IGF1R: variants seen among roughly 807,000 people sequenced by gnomAD.
IGF1R encodes the protein insulin like growth factor 1 receptor.
In IGF1R, 44 loss-of-function variants were observed where a neutral mutation model predicts 144.6. The observed-to-expected ratio is 0.30, with a 90% CI of 0.24 to 0.39. The LOEUF is 0.39. IGF1R is among the 10% of genes least tolerant of loss of function. The pLI is 1.00. For missense variants in IGF1R, 1,355 were observed against 1,833.7 expected (o/e 0.74, Z 4.77); for synonymous variants, 795 against 722.8 (o/e 1.10, Z -1.60).
intron 2 of IGF1R, among the ~76,000 whole-genome samples, chr15:98,724,950 G>T (rs1380906901): frequency 1.3e-5 from 2 of 152,240 alleles, no homozygotes; most frequent in African/African-American, 2.4e-5. Flanking sequence ...CACCTGCCCT[G>T]TGTAATTCTC....
chr15:98,735,131 T>A (rs949267286), intron 2 of IGF1R, among the ~76,000 whole-genome samples: 2 of 152,200 alleles, frequency 1.3e-5, no homozygotes, highest in Admixed American at 6.5e-5. Flanking sequence ...GTCCCATGTC[T>A]GGGGTTTTGC....
At position 98,704,756 on chromosome 15, in the gene IGF1R, G is replaced by A. The variant is rs1351628885; in HGVS notation, c.95-2806G>A. Among the ~76,000 whole-genome samples the A allele has an allele frequency of 6.6e-6, 1 of 152,146 alleles. No homozygotes were observed. Among genetic ancestry groups the A allele is most frequent in the African/African-American group, 2.4e-5 (1 of 41,400 alleles). On this transcript the variant is annotated intron_variant, in intron 1 of 20. Coordinates refer to ENST00000650285, the MANE Select transcript of IGF1R (RefSeq NM_000875.5). The surrounding 1 kb of genome is among the most constrained non-coding windows in gnomAD (Gnocchi z 4.9). The stretch of plus-strand genomic sequence containing the variant: ...TGTCCTGCAGAGGGTGGTGTACCTT[G>A]GGAGGGAAGTGTGTAGGGTTGTTGA...
At chr15:98,691,958 G>A (rs539094187) in intron 1 of IGF1R, among the ~76,000 whole-genome samples, 46 of 152,306 alleles carry the variant, frequency 3.0e-4, no homozygotes, top group African/African-American at 8.7e-4. Context: ...GTAGGAGAGT[G>A]CCTGTTGCCC....
intron 2 of IGF1R, among the ~76,000 whole-genome samples, chr15:98,717,065 C>T (rs758608887): frequency 6.6e-6 from 1 of 152,154 alleles, no homozygotes; most frequent in Non-Finnish European, 1.5e-5. Context: ...ATATTAACAG[C>T]GAGATCTGCA....
At chr15:98,950,964 C>T (rs2016750142) in intron 20 of IGF1R, among the ~76,000 whole-genome samples, 1 of 152,200 alleles carries the variant, frequency 6.6e-6, no homozygotes, top group Admixed American at 6.5e-5. Flanking sequence ...AATGGCCGGC[C>T]AGCGGAGGGC....
chr15:98,758,940 G>C (rs2055225797), intron 2 of IGF1R, among the ~76,000 whole-genome samples: 1 of 152,218 alleles, frequency 6.6e-6, no homozygotes, highest in Admixed American at 6.5e-5. Flanking sequence ...TTTGGAAACA[G>C]TTCTGAGAGT....
intron 2 of IGF1R, among the ~76,000 whole-genome samples, chr15:98,770,175 G>C (rs975117698): frequency 5.3e-5 from 8 of 152,154 alleles, no homozygotes; most frequent in Non-Finnish European, 1.0e-4. Flanking sequence ...CTGACTTCCA[G>C]ATGATAATGA....
At chr15:98,814,303 G>A (rs2056650734) in intron 2 of IGF1R, among the ~76,000 whole-genome samples, 1 of 152,060 alleles carries the variant, frequency 6.6e-6, no homozygotes, top group Admixed American at 6.5e-5. Context: ...TTTTTTTAAT[G>A]CCCTGTGTAG....
At chr15:98,852,631 G>A (rs1426432452) in intron 2 of IGF1R, among the ~76,000 whole-genome samples, 1 of 152,198 alleles carries the variant, frequency 6.6e-6, no homozygotes, top group Non-Finnish European at 1.5e-5. Flanking sequence ...GGAGGGTGGA[G>A]GAGCCAAAAC....
At chr15:98,863,559 A>C (rs1021933838) in intron 2 of IGF1R, among the ~76,000 whole-genome samples, 1 of 152,226 alleles carries the variant, frequency 6.6e-6, no homozygotes, top group Non-Finnish European at 1.5e-5. Context: ...TTTAACAGTG[A>C]GGGACATAAA....
intron 15 of IGF1R, among the ~76,000 whole-genome samples, chr15:98,932,443 C>T (rs550229518): frequency 1.3e-5 from 2 of 152,314 alleles, no homozygotes; most frequent in East Asian, 3.9e-4. Flanking sequence ...GAAACCGCTC[C>T]TGGCTGGTGG....
At chr15:98,882,791 C>G (rs1011202378) in intron 2 of IGF1R, among the ~76,000 whole-genome samples, 5 of 152,198 alleles carry the variant, frequency 3.3e-5, no homozygotes, top group African/African-American at 1.2e-4. Flanking sequence ...AAAATGGAGT[C>G]TCAACCCCTT....
chr15:98,877,344 A>G (rs2013108753), intron 2 of IGF1R, among the ~76,000 whole-genome samples: 1 of 152,230 alleles, frequency 6.6e-6, no homozygotes, highest in Non-Finnish European at 1.5e-5. Flanking sequence ...CCAGGACACG[A>G]AGAGAAGTTA....
intron 1 of IGF1R, among the ~76,000 whole-genome samples, chr15:98,663,362 G>A (rs1193498376): frequency 3.9e-5 from 6 of 152,354 alleles, no homozygotes; most frequent in African/African-American, 1.4e-4. Context: ...AGCTAGGGGA[G>A]AGCACACCTG....
At chr15:98,839,992 G>A (rs913676495) in intron 2 of IGF1R, among the ~76,000 whole-genome samples, 2 of 152,214 alleles carry the variant, frequency 1.3e-5, no homozygotes, top group Non-Finnish European at 2.9e-5. Flanking sequence ...TATTTATCAT[G>A]GGATTACTTT....
Position 98,782,326 on chromosome 15 carries a change from A to G in IGF1R, c.640+74219A>G, listed in dbSNP as rs568674020. The stretch of plus-strand genomic sequence containing the variant: ...AAACATCTTATTTTAATCATGATTG[A>G]TAGAAATCTAAATTTGTAAATTCTG... On this transcript the variant is annotated intron_variant, in intron 2 of 20. Transcript: ENST00000650285. Among the ~76,000 whole-genome samples, 21 of 152,300 alleles carry G rather than the reference A, an allele frequency of 1.4e-4. No individual in the cohort carries two copies. The East Asian group carries it at 2.3e-3, about 17-fold the overall frequency.
chr15:98,854,844 A>G (rs937013854), intron 2 of IGF1R, among the ~76,000 whole-genome samples: 1 of 152,204 alleles, frequency 6.6e-6, no homozygotes, highest in South Asian at 2.1e-4. Flanking sequence ...CCTTTCCTGC[A>G]TGAGGCAGTA....
intron 1 of IGF1R, chr15:98,650,791 C>T (rs1264706104): frequency 6.4e-6 from 4 of 622,466 alleles, no homozygotes; most frequent in Non-Finnish European, 8.0e-6. Context: ...TTCTGCCGCC[C>T]CGCACTTCCT....
At chr15:98,723,644 C>T (rs967738475) in intron 2 of IGF1R, among the ~76,000 whole-genome samples, 7 of 152,202 alleles carry the variant, frequency 4.6e-5, no homozygotes, top group South Asian at 4.1e-4. Context: ...AGAGTAGGGC[C>T]GTTGCATTTA....
Sources: gnomAD v4.1 joint callset for allele counts (sites outside exome capture counted in the v4.1 genomes callset) on GRCh38, gnomAD v4.1.1 for gene constraint, Gnocchi (gnomAD v3.1) non-coding constraint, MANE v1.5 for transcripts, NCBI Gene and HGNC (gene_info 2026-07-23, HGNC 2026-07-21) for gene names.